FBXO10: variants seen among roughly 807,000 people sequenced by gnomAD.
The protein encoded by FBXO10 is F-box only protein 10.
A neutral mutation model predicts 80.7 loss-of-function variants in FBXO10; 39 were observed. The observed-to-expected ratio is 0.48, with a 90% CI of 0.37 to 0.63. FBXO10 has a LOEUF of 0.63. Among genes scored for constraint, FBXO10 ranks in the 30% least tolerant of loss-of-function variants. FBXO10 has a pLI of 0.00. For synonymous variants in FBXO10, 449 were observed against 489.6 expected (o/e 0.92, Z 1.09); for missense variants, 1,025 against 1,269.0 (o/e 0.81, Z 2.92).
intron 1 of FBXO10, among the ~76,000 whole-genome samples, chr9:37,569,115 C>T (rs899612035): frequency 1.3e-5 from 2 of 151,714 alleles, no homozygotes; most frequent in Non-Finnish European, 2.9e-5. Flanking sequence ...ATAAGTTTTC[C>T]CAGGGTTTAA....
chr9:37,529,354 A>G, intron 4 of FBXO10, 94 bp from the exon 5 acceptor site: 2 of 1,379,992 alleles, frequency 1.4e-6, no homozygotes, highest in Non-Finnish European at 2.0e-6. Context: ...GGCAGGATGA[A>G]CACAGTGGAG....
chr9:37,524,951 T>A, intron 6 of FBXO10, 151 bp downstream of exon 6: 1 of 655,864 alleles, frequency 1.5e-6, no homozygotes, highest in African/African-American at 1.8e-5. Context: ...ACAGCCACCA[T>A]GCAGCTGGCG....
intron 9 of FBXO10, among the ~76,000 whole-genome samples, chr9:37,516,960 C>CA (rs56108001): frequency 0.48 from 54,177 of 112,056 alleles, 12,135 homozygotes; most frequent in East Asian, 0.76. Context: ...AACTCCATCT[C>CA]AAAAAAAAAA....
At chr9:37,565,383 A>T (rs1216509833) in intron 1 of FBXO10, among the ~76,000 whole-genome samples, 1 of 152,264 alleles carries the variant, frequency 6.6e-6, no homozygotes, top group Admixed American at 6.5e-5. Context: ...TAATAATGGA[A>T]GACAACAAAA....
Position 37,549,596 on chromosome 9 carries a change from G to A in FBXO10, c.-6-7822C>T, listed in dbSNP as rs184906291. ...AGTTTTGTCCTTAAGTTTTTGGCTTGATAGGTCTTTTGATTCTCATTTCAT... is the reference window on the plus strand; with the variant it reads ...AGTTTTGTCCTTAAGTTTTTGGCTTAATAGGTCTTTTGATTCTCATTTCAT... On this transcript the variant is annotated intron_variant, in intron 1 of 10. Coordinates refer to ENST00000432825, the MANE Select transcript of FBXO10 (RefSeq NM_012166.3). Among the ~76,000 whole-genome samples the A allele has an allele frequency of 4.6e-5, 7 of 152,272 alleles. No homozygotes were observed. In the East Asian group the frequency reaches 1.3e-3, roughly 29 times the overall value.
At chr9:37,570,316 GAAAAAAA>G (rs58075609) in intron 1 of FBXO10, among the ~76,000 whole-genome samples, 3 of 145,780 alleles carry the variant, frequency 2.1e-5, no homozygotes, top group Admixed American at 6.8e-5. Flanking sequence ...GTCTGTCTCG[GAAAAAAA>G]AAAGAAAAGA....
intron 1 of FBXO10, among the ~76,000 whole-genome samples, chr9:37,550,637 C>T (rs1372635533): frequency 6.6e-6 from 1 of 151,842 alleles, no homozygotes; most frequent in Non-Finnish European, 1.5e-5. Context: ...GCACCACACA[C>T]CTGGCTAATT....
Position 37,537,662 on chromosome 9 carries a change from A to AC in FBXO10, c.866_867insG (p.Asp290Ter). ...CTAGGTCCAGGGACATTAAAAAGTCAGAGTCCTCTGTGGGGAGAAAAGTGG... is the reference window on the plus strand; with the variant it reads ...CTAGGTCCAGGGACATTAAAAAGTCACGAGTCCTCTGTGGGGAGAAAAGTGG... On this transcript the variant is annotated frameshift_variant, in exon 3 of 11. Transcript: ENST00000432825. LOFTEE classifies it high-confidence loss of function. 1 of 1,614,022 alleles carries AC rather than the reference A, an allele frequency of 6.2e-7. No homozygotes were observed. The highest frequency in any genetic ancestry group is 8.5e-7 in the Non-Finnish European group (1 of 1,179,892).
intron 3 of FBXO10, among the ~76,000 whole-genome samples, chr9:37,533,780 G>A (rs1220849550): frequency 6.6e-6 from 1 of 151,542 alleles, no homozygotes; most frequent in Non-Finnish European, 1.5e-5. Context: ...GCTGGGGCAG[G>A]AGAATCGCTT....
rs994264459 is a variant in FBXO10 at position 37,524,979 on chromosome 9, A to C, written c.1777+123T>G. 63 of 818,072 alleles carry C rather than the reference A, an allele frequency of 7.7e-5. No homozygotes were observed. In the African/African-American group the frequency reaches 1.1e-3, roughly 14 times the overall value. 50.7% of individuals were successfully genotyped at this position (818,072 alleles called of 1,614,324 possible). On this transcript the variant is annotated intron_variant, in intron 6 of 10. Transcript: ENST00000432825. ...AGCTGGCGTCCCTGAGCTCCAGCCC[A>C]CCAGTCAGAGAAAGAGGCCATAGTC...
intron 1 of FBXO10, among the ~76,000 whole-genome samples, chr9:37,573,146 T>G (rs1198559644): frequency 6.6e-6 from 1 of 152,168 alleles, no homozygotes; most frequent in East Asian, 1.9e-4. Flanking sequence ...TGGAACCAAT[T>G]TGCCAAAGGG....
chr9:37,571,011 T>C (rs1262392868), intron 1 of FBXO10, among the ~76,000 whole-genome samples: 1 of 150,014 alleles, frequency 6.7e-6, no homozygotes, highest in African/African-American at 2.4e-5. Context: ...AAAAAAAAAT[T>C]ATAAACAACT....
chr9:37,513,425 C>G (rs1338830441), intron 10 of FBXO10, among the ~76,000 whole-genome samples: 2 of 152,120 alleles, frequency 1.3e-5, no homozygotes, highest in East Asian at 3.8e-4. Context: ...TGCAGTACAC[C>G]CATACAGGGG....
At chr9:37,530,777 C>A (rs11788530) in intron 4 of FBXO10, among the ~76,000 whole-genome samples, 13 of 152,092 alleles carry the variant, frequency 8.5e-5, no homozygotes, top group African/African-American at 2.4e-4. Flanking sequence ...GTATCTGGGA[C>A]GACAGGTGTG....
At chr9:37,514,238 A>C (rs1414264369) in intron 10 of FBXO10, among the ~76,000 whole-genome samples, 1 of 152,232 alleles carries the variant, frequency 6.6e-6, no homozygotes, top group African/African-American at 2.4e-5. Context: ...GTTTGGCAGC[A>C]GGGGAGCACT....
At chr9:37,542,261 G>A (rs1821939863) in intron 1 of FBXO10, among the ~76,000 whole-genome samples, 1 of 152,144 alleles carries the variant, frequency 6.6e-6, no homozygotes, top group South Asian at 2.1e-4. Context: ...CCAGGAATTA[G>A]CAAGGAAGAC....
Position 37,529,203 on chromosome 9 carries a change from C to T in FBXO10, c.1627G>A (p.Gly543Ser). ...SGIVVLGNGK[G>S]IIRNNQIFSN... The stretch of plus-strand genomic sequence containing the variant: ...AAGATTTGATTGTTCCGGATGATGC[C>T]TTTCCCATTGCCAAGGACGACAATG... The change falls in exon 5 of 11, where the codon GGC (glycine) becomes AGC (serine). Residue 543 changes from glycine to serine, a missense_variant. Transcript: ENST00000432825. The T allele has an allele frequency of 6.2e-7, 1 of 1,613,692 alleles. No homozygotes were observed. The highest frequency in any genetic ancestry group is 2.2e-5 in the East Asian group (1 of 44,878).
chr9:37,547,312 G>A (rs1822080757), intron 1 of FBXO10, among the ~76,000 whole-genome samples: 1 of 152,184 alleles, frequency 6.6e-6, no homozygotes, highest in Admixed American at 6.6e-5. Context: ...TGCTGGGGCT[G>A]GGCGCAGTGG....
At position 37,537,674 on chromosome 9, in the gene FBXO10, G is replaced by A; in HGVS notation, c.855C>T (p.Pro285=). ...ACATTAAAAAGTCAGAGTCCTCTGT[G>A]GGGAGAAAAGTGGGTGAGGACTTGA... The part of the protein sequence containing the change: ...GLIKSSPTFL[P]TEDSDFLMSL... Residue 285 remains proline (P), a synonymous_variant, in exon 3 of 11, where the codon CCC becomes CCT. Coordinates refer to ENST00000432825, the MANE Select transcript of FBXO10 (RefSeq NM_012166.3). 6.2e-7 allele frequency: 1 copy of A among 1,613,990 alleles called. No individual in the cohort carries two copies. Among genetic ancestry groups the A allele is most frequent in the South Asian group, 1.1e-5 (1 of 91,076 alleles).
Sources: allele counts gnomAD v4.1 joint callset (sites outside exome capture counted in the v4.1 genomes callset), GRCh38; gene constraint gnomAD v4.1.1; transcripts MANE v1.5; gene names NCBI Gene and HGNC (gene_info 2026-07-23, HGNC 2026-07-21).